SLCO2A1: variants seen among roughly 807,000 people sequenced by gnomAD.
SLCO2A1 encodes the protein solute carrier organic anion transporter family member 2A1.
In SLCO2A1, 60 loss-of-function variants were observed where a neutral mutation model predicts 71.7. The observed-to-expected ratio is 0.84, with a 90% CI of 0.68 to 1.04. The LOEUF (loss-of-function observed/expected upper bound fraction) is 1.04. Ranked by LOEUF, SLCO2A1 falls within the 50% of genes least tolerant of loss-of-function variation. SLCO2A1 has a pLI of 0.00. For missense variants in SLCO2A1, 745 were observed against 813.4 expected, an observed-to-expected ratio of 0.92 and a Z score of 1.02; for synonymous variants, 308 against 326.7, an observed-to-expected ratio of 0.94 and a Z score of 0.62.
chr3:134,007,024 T>C (rs960809527), intron 1 of SLCO2A1, among the ~76,000 whole-genome samples: 1 of 152,260 alleles, frequency 6.6e-6, no homozygotes, highest in African/African-American at 2.4e-5. Flanking sequence ...GTAGCCATCC[T>C]AATGGGTGTG....
intron 1 of SLCO2A1, among the ~76,000 whole-genome samples, chr3:133,992,500 G>T (rs1321362431): frequency 1.3e-5 from 2 of 152,226 alleles, no homozygotes; most frequent in African/African-American, 4.8e-5. Context: ...TCCCTGGCGA[G>T]GGCCCCACCC....
At chr3:133,946,343 C>T (rs2108041090) in intron 9 of SLCO2A1, among the ~76,000 whole-genome samples, 1 of 152,176 alleles carries the variant, frequency 6.6e-6, no homozygotes, top group Non-Finnish European at 1.5e-5. Context: ...TGACAGGTGG[C>T]ACCCAGGAAA....
chr3:134,000,403 C>T (rs947810141), intron 1 of SLCO2A1, among the ~76,000 whole-genome samples: 19 of 151,914 alleles, frequency 1.3e-4, no homozygotes, highest in African/African-American at 4.6e-4. Context: ...GGAAAAGGGC[C>T]GATGGGAGGT....
At chr3:133,937,366 G>A (rs1465953219) in intron 12 of SLCO2A1, among the ~76,000 whole-genome samples, 1 of 152,204 alleles carries the variant, frequency 6.6e-6, no homozygotes, top group African/African-American at 2.4e-5. Context: ...GGGTCTGAAG[G>A]GGCTCTGCAG....
At chr3:133,993,344 A>C (rs1248737769) in intron 1 of SLCO2A1, among the ~76,000 whole-genome samples, 2 of 152,242 alleles carry the variant, frequency 1.3e-5, no homozygotes, top group African/African-American at 4.8e-5. Context: ...GCCCTGTTCA[A>C]AGCTCAGGAG....
intron 1 of SLCO2A1, among the ~76,000 whole-genome samples, chr3:134,029,476 ACACACACACACACTCGCACG>A (rs1433471228): frequency 1.3e-5 from 2 of 149,978 alleles, no homozygotes; most frequent in Non-Finnish European, 3.0e-5. Context: ...GCGTGTGAAC[ACACACACACACACTCGCACG>A]CACACACACA....
In SLCO2A1 at chr3:133,973,758, A is replaced by G. The variant is rs765824772; in HGVS notation, c.302T>C (p.Ile101Thr). The change falls in exon 3 of 14, where the codon ATT (isoleucine) becomes ACT (threonine). Residue 101 changes from isoleucine to threonine, a missense_variant. Coordinates refer to ENST00000310926, the MANE Select transcript of SLCO2A1 (RefSeq NM_005630.3). ...AGCCAGGAAGAGACCTCCGATGCCA[A>G]TCAGACGTGGACGGTGCACCCGGCT... ...FGSRVHRPRL[I>T]GIGGLFLAAG... The G allele has an allele frequency of 1.3e-5, 21 of 1,614,004 alleles. No individual in the cohort carries two copies. The highest frequency in any genetic ancestry group is 1.5e-5 in the Non-Finnish European group (18 of 1,180,026).
intron 1 of SLCO2A1, among the ~76,000 whole-genome samples, chr3:133,981,702 C>G (rs892105431): frequency 6.6e-6 from 1 of 152,138 alleles, no homozygotes; most frequent in Admixed American, 6.5e-5. Flanking sequence ...CAAGGCTGGG[C>G]GCGGTGGCTC....
At position 133,991,494 on chromosome 3, in the gene SLCO2A1, C is replaced by G. The variant is rs115606838; in HGVS notation, c.97-11876G>C. On this transcript the variant is annotated intron_variant, in intron 1 of 13. Transcript: ENST00000310926. The stretch of plus-strand genomic sequence containing the variant: ...AAGTTCAGAGATTTAAAATAGCCAG[C>G]CTGGGGTCAAAGTTGGTGATATTCC... Among the ~76,000 whole-genome samples, 1,283 of 152,306 alleles carry G rather than the reference C, an allele frequency of 8.4e-3. 13 individuals carry two copies. Among genetic ancestry groups the G allele is most frequent in the Non-Finnish European group, 0.015 (1,020 of 68,018 alleles).
chr3:134,021,160 G>A (rs1441682655), intron 1 of SLCO2A1, among the ~76,000 whole-genome samples: 3 of 152,198 alleles, frequency 2.0e-5, no homozygotes, highest in Non-Finnish European at 2.9e-5. Flanking sequence ...AAGTGTGTGC[G>A]TGCCCTTTTT....
intron 3 of SLCO2A1, among the ~76,000 whole-genome samples, chr3:133,964,766 T>C (rs1934124710): frequency 6.6e-6 from 1 of 152,196 alleles, no homozygotes; most frequent in African/African-American, 2.4e-5. Context: ...CTACTTGTAT[T>C]GAGGAGGCTG....
chr3:134,004,200 C>G (rs1051386109), intron 1 of SLCO2A1, among the ~76,000 whole-genome samples: 1 of 152,056 alleles, frequency 6.6e-6, no homozygotes, highest in East Asian at 1.9e-4. Context: ...CCCCAAATGT[C>G]TACATCCTAA....
At chr3:134,015,257 T>C (rs1254191974) in intron 1 of SLCO2A1, among the ~76,000 whole-genome samples, 1 of 152,094 alleles carries the variant, frequency 6.6e-6, no homozygotes. Flanking sequence ...TTATTCAGCC[T>C]TTTAAAAGGG....
chr3:133,962,472 T>C (rs1934061905), intron 3 of SLCO2A1, among the ~76,000 whole-genome samples: 1 of 151,548 alleles, frequency 6.6e-6, no homozygotes, highest in Non-Finnish European at 1.5e-5. Context: ...AGGACAGGGA[T>C]AGGAGTTCAA....
intron 1 of SLCO2A1, 148 bp from the exon 2 acceptor site, chr3:133,979,766 C>T (rs1003891108): frequency 2.8e-5 from 23 of 825,640 alleles, no homozygotes; most frequent in African/African-American, 8.6e-5. Context: ...CAGGATGAAA[C>T]GTCATCATTG....
intron 3 of SLCO2A1, among the ~76,000 whole-genome samples, chr3:133,956,697 C>T (rs1357606387): frequency 1.3e-5 from 2 of 152,190 alleles, no homozygotes. Flanking sequence ...ATATAATATG[C>T]AACCTTTTAG....
intron 12 of SLCO2A1, among the ~76,000 whole-genome samples, chr3:133,937,679 C>T (rs1054063216): frequency 1.3e-5 from 2 of 152,216 alleles, no homozygotes; most frequent in Admixed American, 6.5e-5. Flanking sequence ...CTGTAGTTTG[C>T]ACCCTTAATT....
chr3:133,976,458 A>G (rs545138306), intron 2 of SLCO2A1, among the ~76,000 whole-genome samples: 1 of 152,226 alleles, frequency 6.6e-6, no homozygotes, highest in South Asian at 2.1e-4. Context: ...TGCACTCTCC[A>G]GGGGCCTGCA....
At chr3:133,941,741 T>C (rs1405128382) in intron 11 of SLCO2A1, among the ~76,000 whole-genome samples, 2 of 152,164 alleles carry the variant, frequency 1.3e-5, no homozygotes, top group African/African-American at 2.4e-5. Flanking sequence ...AACTTGGTCC[T>C]GGAGCCAATC....
Sources: allele counts gnomAD v4.1 joint callset (sites outside exome capture counted in the v4.1 genomes callset), GRCh38; gene constraint gnomAD v4.1.1; transcripts MANE v1.5; gene names NCBI Gene and HGNC (gene_info 2026-07-23, HGNC 2026-07-21).